The following STT3A variants were observed in gnomAD, a reference collection of about 807,000 sequenced individuals.
The protein encoded by STT3A is dolichyl-diphosphooligosaccharide--protein glycosyltransferase subunit STT3A.
In STT3A, 34 loss-of-function variants were observed where a neutral mutation model predicts 89.2. The ratio of observed to expected loss-of-function variants is 0.38; its 90% CI spans 0.29 to 0.51. The LOEUF is 0.51. STT3A is among the 20% of genes least tolerant of loss of function. The probability of loss-of-function intolerance (pLI) is 0.89; values close to 1 mark genes in which losing one functional copy is unlikely to be tolerated. For missense variants in STT3A, 555 were observed against 889.5 expected (o/e 0.62, Z 4.78); for synonymous variants, 282 against 310.3 (o/e 0.91, Z 0.96).
chr11:125,599,742 T>C (rs1008282283), intron 3 of STT3A, among the ~76,000 whole-genome samples: 3 of 149,620 alleles, frequency 2.0e-5, no homozygotes, highest in Non-Finnish European at 4.4e-5. Flanking sequence ...ATTATTATTA[T>C]TTTTTGAGAT....
intron 3 of STT3A, among the ~76,000 whole-genome samples, chr11:125,599,080 A>G (rs1939590312): frequency 6.6e-6 from 1 of 152,210 alleles, no homozygotes; most frequent in Admixed American, 6.5e-5. Context: ...ACTGATTCCC[A>G]GAGTGGTGAA....
Position 125,613,154 on chromosome 11 carries a change from T to TCC in STT3A, c.1531_1532insCC (p.Trp511SerfsTer32), listed in dbSNP as rs1940076562. Reference sequence around the variant, plus strand: ...TGATGACTTCCGAGAAGCATATTATTGGCTTCGTCATAATACTCCAGAGGT... The same window carrying TCC: ...TGATGACTTCCGAGAAGCATATTATTCCGGCTTCGTCATAATACTCCAGAGGT... On this transcript the variant is annotated frameshift_variant, in exon 13 of 18. Transcript: ENST00000392708. LOFTEE classifies it high-confidence loss of function. The surrounding 1 kb of genome is among the most constrained non-coding windows in gnomAD (Gnocchi z 4.2). 1 of 1,612,462 alleles carries TCC rather than the reference T, an allele frequency of 6.2e-7. No individual in the cohort carries two copies. Among genetic ancestry groups the TCC allele is most frequent in the Non-Finnish European group, 8.5e-7 (1 of 1,179,242 alleles).
In STT3A at chr11:125,614,001, G is replaced by A. The variant is rs1215831085; in HGVS notation, c.1555-86G>A. On this transcript the variant is annotated intron_variant, in intron 13 of 17. Coordinates refer to ENST00000392708, the MANE Select transcript of STT3A (RefSeq NM_152713.5). This position sits in a 1 kb window ranked among gnomAD's most constrained non-coding sequence, Gnocchi z 4.9. ...GATTAGTTAGCCAGGTGTCACTTCT[G>A]TCAGACCAAAGATGCCTTCTCTGTT... is the stretch of plus-strand genomic sequence containing the variant. The A allele has an allele frequency of 6.3e-5, 77 of 1,214,130 alleles. No homozygotes were observed. The highest frequency in any genetic ancestry group is 8.4e-6 in the Non-Finnish European group (7 of 831,816). 75.2% of individuals were successfully genotyped at this position (1,214,130 alleles called of 1,614,324 possible). A position where few individuals can be genotyped will look rare whatever the true frequency, so the allele number is the denominator to read the frequency against.
In STT3A at chr11:125,608,368, G is replaced by A. The variant is rs1343855962; in HGVS notation, c.961+79G>A. ...TCGCTCTTGTTGCCCAGGCCGGAGT[G>A]CAGTGGTGCGATCTCGGCTCACTGC... On this transcript the variant is annotated intron_variant, in intron 9 of 17. Coordinates refer to ENST00000392708, the MANE Select transcript of STT3A (RefSeq NM_152713.5). 8.4e-6 allele frequency: 12 copies of A among 1,423,128 alleles called. No individual in the cohort carries two copies. The South Asian group carries it at 1.4e-4, about 17-fold the overall frequency. 88.2% of individuals were successfully genotyped at this position (1,423,128 alleles called of 1,614,324 possible).
chr11:125,612,464 C>A, intron 11 of STT3A, 128 bp from the exon 12 acceptor site: 1 of 1,045,362 alleles, frequency 9.6e-7, no homozygotes, highest in Non-Finnish European at 1.3e-6. Context: ...CAAGTATTTT[C>A]TCTTTCACTT....
In STT3A at chr11:125,609,415, A is replaced by T. The variant is rs1420399516; in HGVS notation, c.962-19A>T. ...TTTGAAGAGTGTGTGTGGAATATTT[A>T]TTGCCTCTTTGCTGCTAGGAAAAAT... On this transcript the variant is annotated intron_variant, in intron 9 of 17. Coordinates refer to ENST00000392708, the MANE Select transcript of STT3A (RefSeq NM_152713.5). 1 of 1,588,534 alleles carries T rather than the reference A, an allele frequency of 6.3e-7. No individual in the cohort carries two copies. The highest frequency in any genetic ancestry group is 8.6e-7 in the Non-Finnish European group (1 of 1,169,584).
Position 125,618,493 on chromosome 11 carries a change from C to T in STT3A, c.1895C>T (p.Pro632Leu). ...TTCCGTGTGGACCGTGAAGGTTCTC[C>T]AGTGCTGCTCAACTGCCTCATGTAC... ...GEFRVDREGS[P>L]VLLNCLMYKM... The change falls in exon 16 of 18, where the codon CCA becomes CTA. Residue 632 changes from proline (P) to leucine (L), a missense_variant. This residue lies in a region of STT3A where 273 missense variants were observed against 449.8 expected (regional missense o/e 0.61). Transcript: ENST00000392708. 1.2e-6 allele frequency: 2 copies of T among 1,614,034 alleles called. No homozygotes were observed. The highest frequency in any genetic ancestry group is 1.7e-6 in the Non-Finnish European group (2 of 1,180,008).
intron 10 of STT3A, chr11:125,609,805 G>T: frequency 2.1e-6 from 1 of 470,742 alleles, no homozygotes; most frequent in Non-Finnish European, 3.7e-6. Flanking sequence ...ACAGTTTTCT[G>T]TTCATTTGTC....
chr11:125,597,269 A>G, intron 3 of STT3A, 150 bp downstream of exon 3: 1 of 810,176 alleles, frequency 1.2e-6, no homozygotes, highest in Non-Finnish European at 2.0e-6. Context: ...CTTCCAAAGG[A>G]GATAATTATC....
At chr11:125,615,136 A>G (rs1046553578) in intron 15 of STT3A, among the ~76,000 whole-genome samples, 2 of 152,124 alleles carry the variant, frequency 1.3e-5, no homozygotes, top group Non-Finnish European at 2.9e-5. Context: ...GCGTAGTGGC[A>G]CATGCCTGTA....
At chr11:125,604,078 C>A in intron 5 of STT3A, 79 bp from the exon 6 acceptor site, 1 of 1,441,404 alleles carries the variant, frequency 6.9e-7, no homozygotes, top group Admixed American at 1.9e-5. Flanking sequence ...TCATTATAAA[C>A]AGAATGGACT....
At chr11:125,605,351 A>C (rs1939800413) in intron 6 of STT3A, among the ~76,000 whole-genome samples, 1 of 152,182 alleles carries the variant, frequency 6.6e-6, no homozygotes, top group South Asian at 2.1e-4. Flanking sequence ...GCTTGGAAAG[A>C]ATGATAATAA....
rs1940377414 is a variant in STT3A, at chr11:125,622,517, C to G, written c.*1707C>G. 2 of 152,142 alleles carry G rather than the reference C, an allele frequency of 1.3e-5. No individual in the cohort carries two copies. 9.4% of individuals were successfully genotyped at this position (152,142 alleles called of 1,614,324 possible). ...CTGAGGATCTTAATTTTGTTACTTT[C>G]TAGGCTACATGAAGCTATCTTTTTA... On this transcript the variant is annotated 3_prime_UTR_variant, in exon 18 of 18. Transcript: ENST00000392708.
At chr11:125,616,658 T>C (rs1940188577) in intron 15 of STT3A, among the ~76,000 whole-genome samples, 1 of 152,258 alleles carries the variant, frequency 6.6e-6, no homozygotes, top group Non-Finnish European at 1.5e-5. Context: ...TGGGCTCTCC[T>C]TGATGCAGTT....
chr11:125,601,197 A>C (rs928396641), intron 3 of STT3A, among the ~76,000 whole-genome samples: 1 of 152,250 alleles, frequency 6.6e-6, no homozygotes, highest in Non-Finnish European at 1.5e-5. Flanking sequence ...TTGTGTTATG[A>C]AGTAGGTTAA....
In STT3A at chr11:125,595,939, A is replaced by G. The variant is rs1157519800; in HGVS notation, c.24A>G (p.Arg8=). MTKFGFL[R]LSYEKQDTLL... ...AGATGACTAAGTTTGGATTTTTGCG[A>G]TTGTCCTATGAGAAGCAGGACACAC... The change falls in exon 2 of 18, where the codon CGA becomes CGG. Residue 8 remains arginine (R), a synonymous_variant. Transcript: ENST00000392708. 1.2e-5 allele frequency: 20 copies of G among 1,613,584 alleles called. No individual in the cohort carries two copies. The highest frequency in any genetic ancestry group is 2.2e-5 in the East Asian group (1 of 44,862).
chr11:125,610,568 C>T (rs1416658174), intron 10 of STT3A: 2 of 151,836 alleles, frequency 1.3e-5, no homozygotes, highest in African/African-American at 4.8e-5. Flanking sequence ...AAAACAACAA[C>T]AGGCCTGGAA....
intron 15 of STT3A, 117 bp from the exon 16 acceptor site, chr11:125,618,256 G>A (rs1003559659): frequency 4.2e-6 from 4 of 958,446 alleles, no homozygotes; most frequent in Non-Finnish European, 6.0e-6. Flanking sequence ...ACAAATTAGA[G>A]TTAAATGATA....
Position 125,602,421 on chromosome 11 carries a change from C to A in STT3A, c.268C>A (p.Pro90Thr). ...ACGAATCATTGGAGGAACAATTTACCCAGGTGAGGAGACCAGATGTGTTTT... is the reference window on the plus strand; with the variant it reads ...ACGAATCATTGGAGGAACAATTTACACAGGTGAGGAGACCAGATGTGTTTT... ...LGRIIGGTIY[P>T]GLMITSAAIY... is the part of the protein sequence containing the mutation. Residue 90 changes from proline (P) to threonine (T), a missense_variant, in exon 4 of 18, where the codon CCA becomes ACA. Physicochemically the swap from Pro to Thr is conservative, Grantham distance 38. Around this residue, in one of 5 missense-constraint regions of STT3A, gnomAD observed 129 missense variants for 193.2 expected, o/e 0.67. Coordinates refer to ENST00000392708, the MANE Select transcript of STT3A (RefSeq NM_152713.5). 1 of 1,600,476 alleles carries A rather than the reference C, an allele frequency of 6.2e-7. No homozygotes were observed. Among genetic ancestry groups the A allele is most frequent in the Non-Finnish European group, 8.5e-7 (1 of 1,175,528 alleles).
Sources: gnomAD v4.1 joint callset for allele counts (sites outside exome capture counted in the v4.1 genomes callset) on GRCh38, gnomAD v4.1.1 for gene constraint, gnomAD v4.1.1 regional missense constraint, Gnocchi (gnomAD v3.1) non-coding constraint, MANE v1.5 for transcripts, NCBI Gene and HGNC (gene_info 2026-07-23, HGNC 2026-07-21) for gene names.